COL25A1: variants seen among roughly 807,000 people sequenced by gnomAD.
COL25A1 encodes collagen type XXV alpha 1 chain.
In COL25A1, 103 loss-of-function variants were observed where a neutral mutation model predicts 128.4. The ratio of observed to expected loss-of-function variants is 0.80; its 90% CI spans 0.68 to 0.94. The LOEUF is 0.94. COL25A1 is among the 40% of genes least tolerant of loss of function. The probability of loss-of-function intolerance (pLI) is 0.00; values close to 1 mark genes in which losing one functional copy is unlikely to be tolerated. For synonymous variants in COL25A1, 279 were observed against 277.2 expected (o/e 1.01, Z -0.06); for missense variants, 745 against 840.0 (o/e 0.89, Z 1.40).
chr4:108,882,856 T>A (rs1237556753), intron 19 of COL25A1, among the ~76,000 whole-genome samples: 2 of 152,058 alleles, frequency 1.3e-5, no homozygotes, highest in Admixed American at 1.3e-4. Flanking sequence ...CAAGAAGACA[T>A]AGCTTTCATG....
intron 3 of COL25A1, among the ~76,000 whole-genome samples, chr4:109,279,156 A>C (rs1723125271): frequency 6.6e-6 from 1 of 152,130 alleles, no homozygotes; most frequent in Non-Finnish European, 1.5e-5. Context: ...CACATCAAAA[A>C]ATCAGTTTAT....
At chr4:108,866,404 G>A (rs933534163) in intron 20 of COL25A1, among the ~76,000 whole-genome samples, 2 of 151,944 alleles carry the variant, frequency 1.3e-5, no homozygotes, top group African/African-American at 2.4e-5. Context: ...TGTTGCCCAG[G>A]CTGATCTCAA....
intron 5 of COL25A1, among the ~76,000 whole-genome samples, chr4:109,029,502 T>C (rs1376783197): frequency 2.0e-5 from 3 of 152,218 alleles, no homozygotes; most frequent in Non-Finnish European, 4.4e-5. Context: ...TTTATATAAC[T>C]TTTATGGTAG....
In COL25A1 at chr4:108,828,401, C is replaced by G. The variant is rs557005166; in HGVS notation, c.1711-1213G>C. Among the ~76,000 whole-genome samples, 10 of 152,220 alleles carry G rather than the reference C, an allele frequency of 6.6e-5. No individual in the cohort carries two copies. In the East Asian group the frequency reaches 1.7e-3, roughly 27 times the overall value. On this transcript the variant is annotated intron_variant, in intron 32 of 37. Transcript: ENST00000399132. ...CCACCCACCTGAGCCTCCCAAAGTG[C>G]TGGGATTACAGGCGTGAGCCACCGT...
At chr4:109,212,468 A>C (rs1192054388) in intron 3 of COL25A1, among the ~76,000 whole-genome samples, 1 of 152,164 alleles carries the variant, frequency 6.6e-6, no homozygotes, top group Non-Finnish European at 1.5e-5. Flanking sequence ...TCCTATTGGG[A>C]GGCTGAATGC....
At chr4:108,825,877 T>C (rs1732315540) in intron 33 of COL25A1, among the ~76,000 whole-genome samples, 1 of 152,200 alleles carries the variant, frequency 6.6e-6, no homozygotes, top group Non-Finnish European at 1.5e-5. Flanking sequence ...TTTTTAAAAG[T>C]TGTAAGACTG....
At chr4:109,187,147 T>C (rs1775212108) in intron 3 of COL25A1, among the ~76,000 whole-genome samples, 1 of 131,374 alleles carries the variant, frequency 7.6e-6, no homozygotes, top group Non-Finnish European at 1.8e-5. Context: ...ATTATACCTT[T>C]TTTTAATAGT....
chr4:109,027,987 T>C (rs1758473864), intron 5 of COL25A1, among the ~76,000 whole-genome samples: 1 of 152,206 alleles, frequency 6.6e-6, no homozygotes, highest in African/African-American at 2.4e-5. Flanking sequence ...ACTGGAGATA[T>C]ACATTTGGGA....
At chr4:109,056,712 C>T (rs1761482071) in intron 3 of COL25A1, among the ~76,000 whole-genome samples, 1 of 151,650 alleles carries the variant, frequency 6.6e-6, no homozygotes, top group Non-Finnish European at 1.5e-5. Context: ...CCACCTAAAG[C>T]CAACTGAGAG....
At chr4:109,259,275 G>A (rs1038386266) in intron 3 of COL25A1, among the ~76,000 whole-genome samples, 7 of 152,152 alleles carry the variant, frequency 4.6e-5, no homozygotes, top group Admixed American at 3.9e-4. Context: ...AAAAATCAAT[G>A]AAGGTTTTTA....
chr4:109,203,977 T>G (rs1776776922), intron 3 of COL25A1, among the ~76,000 whole-genome samples: 1 of 152,106 alleles, frequency 6.6e-6, no homozygotes, highest in African/African-American at 2.4e-5. Context: ...ACTGCAGGAA[T>G]AACAGAATAA....
intron 3 of COL25A1, among the ~76,000 whole-genome samples, chr4:109,233,645 T>A (rs776633383): frequency 2.6e-5 from 4 of 152,142 alleles, no homozygotes; most frequent in African/African-American, 9.7e-5. Flanking sequence ...ATTCATCATG[T>A]AGGAGACAGG....
chr4:108,995,160 C>T (rs557225064), intron 6 of COL25A1, among the ~76,000 whole-genome samples: 3 of 152,230 alleles, frequency 2.0e-5, no homozygotes, highest in East Asian at 1.9e-4. Flanking sequence ...TTGGTAATAA[C>T]AAACTTCTCC....
At chr4:108,877,029 A>C (rs952932328) in intron 19 of COL25A1, among the ~76,000 whole-genome samples, 1 of 152,334 alleles carries the variant, frequency 6.6e-6, no homozygotes, top group Non-Finnish European at 1.5e-5. Flanking sequence ...CAGTTAGGAA[A>C]GAAGAAATGC....
chr4:109,115,016 TA>T (rs1767400135), intron 3 of COL25A1, among the ~76,000 whole-genome samples: 1 of 152,058 alleles, frequency 6.6e-6, no homozygotes. Flanking sequence ...AGGATGTTAT[TA>T]AAAATTTATG....
At chr4:108,964,105 AAATT>A (rs1487182017) in intron 8 of COL25A1, among the ~76,000 whole-genome samples, 2 of 150,186 alleles carry the variant, frequency 1.3e-5, no homozygotes, top group Non-Finnish European at 3.0e-5. Context: ...TTAAATTAAT[AAATT>A]AATAAATAGT....
chr4:109,059,458 C>T (rs1010070376), intron 3 of COL25A1, among the ~76,000 whole-genome samples: 3 of 152,132 alleles, frequency 2.0e-5, no homozygotes, highest in Non-Finnish European at 4.4e-5. Context: ...TTTAAGTCAA[C>T]TTAGAAAAAA....
At chr4:109,301,227 T>C (rs1011266545) in intron 2 of COL25A1, among the ~76,000 whole-genome samples, 1 of 152,208 alleles carries the variant, frequency 6.6e-6, no homozygotes, top group Non-Finnish European at 1.5e-5. Flanking sequence ...AAAAAAAGTT[T>C]AAACTTTTAA....
intron 3 of COL25A1, among the ~76,000 whole-genome samples, chr4:109,231,946 T>TA (rs1348504578): frequency 1.3e-5 from 2 of 152,160 alleles, no homozygotes; most frequent in Non-Finnish European, 2.9e-5. Context: ...ACATAGAACT[T>TA]AGTTATATAC....
Sources: gnomAD v4.1 joint callset for allele counts (sites outside exome capture counted in the v4.1 genomes callset) on GRCh38, gnomAD v4.1.1 for gene constraint, MANE v1.5 for transcripts, NCBI Gene and HGNC (gene_info 2026-07-23, HGNC 2026-07-21) for gene names.